The following CSMD1 variants were observed in gnomAD, a reference collection of about 807,000 sequenced individuals.
CSMD1 encodes CUB and Sushi multiple domains 1.
Under a neutral mutation model 417.5 loss-of-function variants are expected in CSMD1, and 213 were observed. The ratio of observed to expected loss-of-function variants is 0.51; its 90% CI spans 0.46 to 0.57. The LOEUF is 0.57. Among genes scored for constraint, CSMD1 ranks in the 20% least tolerant of loss-of-function variants. CSMD1 has a pLI of 0.00. For missense variants in CSMD1, 6,923 were observed against 4,529.7 expected (o/e 1.53, Z -15.17); for synonymous variants, 2,862 against 1,736.8 (o/e 1.65, Z -16.11).
intron 3 of CSMD1, among the ~76,000 whole-genome samples, chr8:4,304,134 G>C (rs563544573): frequency 5.3e-5 from 8 of 152,068 alleles, no homozygotes; most frequent in African/African-American, 1.2e-4. Flanking sequence ...GCTACTATTT[G>C]AATTTTCAAA....
intron 4 of CSMD1, among the ~76,000 whole-genome samples, chr8:4,006,999 T>C (rs558079250): frequency 2.7e-4 from 41 of 151,728 alleles, no homozygotes; most frequent in Non-Finnish European, 5.0e-4. Context: ...GGCTAATTTT[T>C]GTGTGTATGT....
chr8:4,075,814 G>C (rs1370164494), intron 3 of CSMD1, among the ~76,000 whole-genome samples: 2 of 152,152 alleles, frequency 1.3e-5, no homozygotes, highest in East Asian at 1.9e-4. Flanking sequence ...AGTCCTTCAT[G>C]GTTGTCAGAG....
chr8:4,724,669 G>A (rs367984831), intron 1 of CSMD1, among the ~76,000 whole-genome samples: 1 of 151,914 alleles, frequency 6.6e-6, no homozygotes, highest in African/African-American at 2.4e-5. Flanking sequence ...GAATAAACTT[G>A]CTTTGTATTT....
intron 5 of CSMD1, among the ~76,000 whole-genome samples, chr8:3,881,819 G>C (rs367801784): frequency 6.6e-6 from 1 of 152,058 alleles, no homozygotes; most frequent in Admixed American, 6.6e-5. Context: ...AAGAACAGAA[G>C]TGAGAAGCAA....
chr8:4,696,848 G>A (rs778904668), intron 1 of CSMD1, among the ~76,000 whole-genome samples: 2 of 152,304 alleles, frequency 1.3e-5, no homozygotes, highest in East Asian at 3.9e-4. Context: ...TGTAAGTAGT[G>A]ACAGAGCTGT....
intron 12 of CSMD1, among the ~76,000 whole-genome samples, chr8:3,462,850 G>C (rs1236387314): frequency 6.6e-6 from 1 of 152,128 alleles, no homozygotes; most frequent in African/African-American, 2.4e-5. Flanking sequence ...AAATTCCTAA[G>C]TTGAAACCTA....
chr8:3,767,936 T>G (rs1462461417), intron 5 of CSMD1, among the ~76,000 whole-genome samples: 1 of 152,212 alleles, frequency 6.6e-6, no homozygotes, highest in Non-Finnish European at 1.5e-5. Context: ...CACTTTACAT[T>G]AATGATGTGA....
intron 12 of CSMD1, among the ~76,000 whole-genome samples, chr8:3,456,497 T>A (rs1816150067): frequency 6.6e-6 from 1 of 152,212 alleles, no homozygotes; most frequent in Non-Finnish European, 1.5e-5. Flanking sequence ...CTGAAGGCCT[T>A]GTGAATGATG....
At chr8:4,288,450 C>T (rs561325141) in intron 3 of CSMD1, among the ~76,000 whole-genome samples, 1 of 152,310 alleles carries the variant, frequency 6.6e-6, no homozygotes, top group South Asian at 2.1e-4. Flanking sequence ...AATGCTGTAG[C>T]CATTTCTCCT....
intron 3 of CSMD1, among the ~76,000 whole-genome samples, chr8:4,075,589 C>A (rs1049726475): frequency 1.3e-5 from 2 of 152,078 alleles, no homozygotes; most frequent in Admixed American, 6.5e-5. Flanking sequence ...TAATTTATTC[C>A]TTGTTCTGCA....
At chr8:3,265,445 G>A (rs1207403449) in intron 26 of CSMD1, among the ~76,000 whole-genome samples, 3 of 152,154 alleles carry the variant, frequency 2.0e-5, no homozygotes, top group Non-Finnish European at 4.4e-5. Context: ...TACTCTCAGG[G>A]ATCAGAGACG....
chr8:4,452,116 C>T (rs1269555556), intron 2 of CSMD1, among the ~76,000 whole-genome samples: 1 of 152,092 alleles, frequency 6.6e-6, no homozygotes, highest in East Asian at 1.9e-4. Context: ...GTGATGCTTC[C>T]AGAGGTCTGT....
At chr8:3,716,594 C>A (rs536389473) in intron 6 of CSMD1, among the ~76,000 whole-genome samples, 2 of 152,156 alleles carry the variant, frequency 1.3e-5, no homozygotes, top group East Asian at 3.9e-4. Context: ...GGCTTCTTTA[C>A]TGCAACCTAT....
In CSMD1 at chr8:3,271,702, G is replaced by A. The variant is rs1281064606; in HGVS notation, c.4153+12442C>T. ...CCAGTGATGATGAGCATTTTTTCAT[G>A]TGTTTTTTGGCTGCATAAATGTCTT... is the stretch of plus-strand genomic sequence containing the variant. On this transcript the variant is annotated intron_variant, in intron 26 of 69. Coordinates refer to ENST00000635120, the MANE Select transcript of CSMD1 (RefSeq NM_033225.6). Among the ~76,000 whole-genome samples the A allele has an allele frequency of 3.9e-5, 6 of 152,204 alleles. No homozygotes were observed. In the East Asian group the frequency reaches 5.8e-4, roughly 15 times the overall value.
At chr8:3,303,508 G>T (rs187566233) in intron 25 of CSMD1, among the ~76,000 whole-genome samples, 1 of 152,264 alleles carries the variant, frequency 6.6e-6, no homozygotes, top group East Asian at 1.9e-4. Flanking sequence ...TTTTCATACT[G>T]TGCGAGCTTA....
intron 7 of CSMD1, among the ~76,000 whole-genome samples, chr8:3,619,320 A>G (rs918237589): frequency 2.0e-5 from 3 of 152,164 alleles, no homozygotes; most frequent in Admixed American, 1.3e-4. Context: ...CTAATTAGTG[A>G]ACATTTTCTA....
chr8:3,101,894 G>C (rs568031592), intron 46 of CSMD1, among the ~76,000 whole-genome samples: 1 of 150,698 alleles, frequency 6.6e-6, no homozygotes, highest in East Asian at 2.0e-4. Context: ...CTCCACATGC[G>C]GGGTTCAAGC....
chr8:4,398,108 T>C (rs999896304), intron 3 of CSMD1, among the ~76,000 whole-genome samples: 4 of 152,190 alleles, frequency 2.6e-5, no homozygotes, highest in Non-Finnish European at 4.4e-5. Context: ...CCATCTTTTA[T>C]GTTGCTAATG....
chr8:4,775,208 T>C (rs1585079156), intron 1 of CSMD1, among the ~76,000 whole-genome samples: 2 of 152,170 alleles, frequency 1.3e-5, no homozygotes, highest in East Asian at 3.9e-4. Flanking sequence ...TTTTTCTGAT[T>C]GTAGGACATA....
Sources: gnomAD v4.1 joint callset for allele counts (sites outside exome capture counted in the v4.1 genomes callset) on GRCh38, gnomAD v4.1.1 for gene constraint, MANE v1.5 for transcripts, NCBI Gene and HGNC (gene_info 2026-07-23, HGNC 2026-07-21) for gene names.